PBRM1: variants seen among roughly 807,000 people sequenced by gnomAD.
PBRM1 encodes the protein polybromo 1, also known as protein polybromo-1.
PBRM1 carries 27 observed loss-of-function variants against 194.5 expected under a neutral mutation model. The ratio of observed to expected loss-of-function variants is 0.14; its 90% CI spans 0.10 to 0.19. The LOEUF (loss-of-function observed/expected upper bound fraction) is 0.19, where lower values mean the gene tolerates loss of function less well. Ranked by LOEUF, PBRM1 falls within the 10% of genes least tolerant of loss-of-function variation. The pLI is 1.00. For missense variants in PBRM1, 1,466 were observed against 2,077.2 expected (o/e 0.71, Z 5.72); for synonymous variants, 655 against 693.2 (o/e 0.94, Z 0.87).
At position 52,624,933 on chromosome 3, in the gene PBRM1, T is replaced by A. The variant is rs1190742738; in HGVS notation, c.1541+2340A>T. Reference sequence around the variant, plus strand: ...CCTGAGACCCAACATCTCACTGTCATGAGTGTTCCTGGGAAAGCAGAAACA... The same window carrying A: ...CCTGAGACCCAACATCTCACTGTCAAGAGTGTTCCTGGGAAAGCAGAAACA... On this transcript the variant is annotated intron_variant, in intron 13 of 29. Transcript: ENST00000296302. The A allele has an allele frequency of 5.8e-6, 9 of 1,547,946 alleles. No individual in the cohort carries two copies. The South Asian group carries it at 1.1e-4, about 18-fold the overall frequency.
exon 29 of PBRM1, chr3:52,550,421 C>A: frequency 7.4e-7 from 1 of 1,344,970 alleles, no homozygotes; most frequent in Non-Finnish European, 9.9e-7. Context: ...GGAATCTTAC[C>A]TGCCAGTGTC....
intron 20 of PBRM1, among the ~76,000 whole-genome samples, chr3:52,582,747 G>A (rs150867378): frequency 8.6e-4 from 130 of 151,946 alleles, no homozygotes; most frequent in African/African-American, 2.4e-3. Flanking sequence ...AGAATCTTTC[G>A]GAGCACCTGT....
chr3:52,678,118 C>T (rs1317192835), intron 2 of PBRM1, among the ~76,000 whole-genome samples: 5 of 151,984 alleles, frequency 3.3e-5, no homozygotes, highest in African/African-American at 7.3e-5. Flanking sequence ...GAGATCTTTC[C>T]GCATAGGTCA....
intron 22 of PBRM1, among the ~76,000 whole-genome samples, chr3:52,566,653 G>A (rs2153555547): frequency 6.6e-6 from 1 of 152,298 alleles, no homozygotes; most frequent in Non-Finnish European, 1.5e-5. Flanking sequence ...CTAGGGCCAG[G>A]GGGAAGGGGA....
At chr3:52,639,712 A>C (rs2095994506) in intron 10 of PBRM1, among the ~76,000 whole-genome samples, 1 of 151,568 alleles carries the variant, frequency 6.6e-6, no homozygotes, top group Admixed American at 6.6e-5. Flanking sequence ...CCTGGGTGAC[A>C]GAGGGAGACC....
chr3:52,567,964 T>G (rs1475448404), intron 22 of PBRM1, among the ~76,000 whole-genome samples: 2 of 151,908 alleles, frequency 1.3e-5, no homozygotes, highest in African/African-American at 4.8e-5. Flanking sequence ...TATTTTCATT[T>G]GTTTAAGAAT....
At chr3:52,662,112 A>G (rs2153918247) in intron 4 of PBRM1, 21 bp downstream of exon 5, 1 of 1,611,304 alleles carries the variant, frequency 6.2e-7, no homozygotes, top group Non-Finnish European at 8.5e-7. Context: ...CATCCATCAC[A>G]AGTTCCAGCT....
At chr3:52,623,572 AGTCAATAGGTCAATAG>A (rs1252782916) in intron 13 of PBRM1, among the ~76,000 whole-genome samples, 1 of 152,234 alleles carries the variant, frequency 6.6e-6, no homozygotes, top group Non-Finnish European at 1.5e-5. Context: ...AAATCTACCA[AGTCAATAGGTCAATAG>A]GTCAATAAGC....
intron 2 of PBRM1, among the ~76,000 whole-genome samples, chr3:52,674,965 C>CA (rs1436921615): frequency 6.7e-6 from 1 of 150,068 alleles, no homozygotes; most frequent in Non-Finnish European, 1.5e-5. Context: ...GATCCTGTCT[C>CA]AAAAAAAGAC....
At chr3:52,588,726 T>C (rs2092714068) in intron 18 of PBRM1, among the ~76,000 whole-genome samples, 1 of 151,922 alleles carries the variant, frequency 6.6e-6, no homozygotes, top group South Asian at 2.1e-4. Context: ...AGCTCATTTT[T>C]TGTATCTTTT....
intron 4 of PBRM1, among the ~76,000 whole-genome samples, chr3:52,659,724 A>G (rs2096678816): frequency 6.6e-6 from 1 of 152,176 alleles, no homozygotes; most frequent in Non-Finnish European, 1.5e-5. Context: ...CACCAGACCC[A>G]AGAAAATCAT....
upstream of PBRM1, among the ~76,000 whole-genome samples, chr3:52,684,363 G>C (rs1303421375): frequency 6.6e-6 from 1 of 152,014 alleles, no homozygotes; most frequent in African/African-American, 2.4e-5. Context: ...ATGTGCAACT[G>C]GGAGAATATC....
At chr3:52,569,018 G>A (rs1324110362) in intron 22 of PBRM1, among the ~76,000 whole-genome samples, 6 of 151,900 alleles carry the variant, frequency 3.9e-5, no homozygotes, top group Non-Finnish European at 8.8e-5. Context: ...CCCCTACTCC[G>A]GGTAGCTGGG....
intron 6 of PBRM1, 137 bp downstream of exon 7, chr3:52,651,605 A>T (rs1398217802): frequency 6.9e-6 from 3 of 435,396 alleles, no homozygotes; most frequent in Non-Finnish European, 1.2e-5. Flanking sequence ...CAGTAACACT[A>T]TTTTAATTTA....
At chr3:52,677,684 A>T in intron 2 of PBRM1, among the ~76,000 whole-genome samples, 1 of 151,902 alleles carries the variant, frequency 6.6e-6, no homozygotes, top group East Asian at 1.9e-4. Context: ...AAGTGCTAGG[A>T]TTACAGGAAT....
In PBRM1 at chr3:52,617,214, C is replaced by T. The variant is rs755768502; in HGVS notation, c.1818+48G>A. ...TCAAAATGCATTATTCTATAAGTAC[C>T]CCTCTCCCGCAAAATGTGCCTACTT... On this transcript the variant is annotated intron_variant, in intron 14 of 29. Coordinates refer to ENST00000296302, the Ensembl canonical transcript of PBRM1. 4.6e-6 allele frequency: 7 copies of T among 1,523,544 alleles called. No individual in the cohort carries two copies. In the Admixed American group the frequency reaches 1.3e-4, roughly 29 times the overall value. 94.4% of individuals were successfully genotyped at this position (1,523,544 alleles called of 1,614,324 possible).
At chr3:52,581,791 C>T (rs999280694) in intron 20 of PBRM1, among the ~76,000 whole-genome samples, 8 of 151,936 alleles carry the variant, frequency 5.3e-5, no homozygotes, top group South Asian at 4.2e-4. Flanking sequence ...GCACGTGCCA[C>T]CACGCCTGGC....
intron 13 of PBRM1, among the ~76,000 whole-genome samples, chr3:52,618,986 T>C (rs1279838057): frequency 6.6e-6 from 1 of 152,206 alleles, no homozygotes; most frequent in East Asian, 1.9e-4. Context: ...CGACCTCAGG[T>C]GATCCGCCTG....
intron 20 of PBRM1, among the ~76,000 whole-genome samples, chr3:52,581,803 A>G (rs2091285951): frequency 6.6e-6 from 1 of 151,702 alleles, no homozygotes; most frequent in African/African-American, 2.4e-5. Flanking sequence ...ACGCCTGGCT[A>G]ATTTTTGTAT....
Sources: gnomAD v4.1 joint callset for allele counts (sites outside exome capture counted in the v4.1 genomes callset) on GRCh38, gnomAD v4.1.1 for gene constraint, MANE v1.5 for transcripts, NCBI Gene and HGNC (gene_info 2026-07-23, HGNC 2026-07-21) for gene names.